Variants in PCDHGA2 observed in about 807,000 individuals in gnomAD.
PCDHGA2 encodes the protein protocadherin gamma subfamily A, 2, also known as protocadherin gamma-A2.
In PCDHGA2, 40 loss-of-function variants were observed where a neutral mutation model predicts 59.2. The ratio of observed to expected loss-of-function variants is 0.68; its 90% CI spans 0.52 to 0.88. The LOEUF is 0.88. PCDHGA2 is among the 40% of genes least tolerant of loss of function. The probability of loss-of-function intolerance (pLI) is 0.00; values close to 1 mark genes in which losing one functional copy is unlikely to be tolerated. For missense variants in PCDHGA2, 1,226 were observed against 1,204.0 expected (o/e 1.02, Z -0.27); for synonymous variants, 560 against 526.0 (o/e 1.06, Z -0.89).
At chr5:141,344,558 T>A (rs1757435372) in intron 1 of PCDHGA2, 1 of 1,614,022 alleles carries the variant, frequency 6.2e-7, no homozygotes, top group East Asian at 2.2e-5. Context: ...TTAGCCCCAA[T>A]GACTACTTCT....
intron 1 of PCDHGA2, chr5:141,352,782 G>C (rs2149771321): frequency 9.0e-7 from 1 of 1,105,830 alleles, no homozygotes; most frequent in African/African-American, 1.6e-5. Context: ...TTGAGGTCAG[G>C]AGTTTGAGAC....
At chr5:141,374,020 G>T in intron 1 of PCDHGA2, 1 of 1,408,826 alleles carries the variant, frequency 7.1e-7, no homozygotes, top group Non-Finnish European at 9.3e-7. Context: ...TCTGAGAAGA[G>T]CAAAAGTGAT....
At chr5:141,418,882 C>T (rs945382775) in intron 1 of PCDHGA2, 8 of 1,613,960 alleles carry the variant, frequency 5.0e-6, no homozygotes, top group Admixed American at 1.7e-5. Flanking sequence ...TAGACGAAAA[C>T]GACAACAGCC....
At chr5:141,414,883 G>A (rs572616023) in intron 1 of PCDHGA2, 1 of 1,614,176 alleles carries the variant, frequency 6.2e-7, no homozygotes, top group South Asian at 1.1e-5. Context: ...CCTGTACCCC[G>A]CCCTCCCCAC....
intron 1 of PCDHGA2, chr5:141,408,119 C>T (rs1271219465): frequency 6.8e-7 from 1 of 1,474,944 alleles, no homozygotes; most frequent in African/African-American, 1.4e-5. Flanking sequence ...CTCCTCCTGT[C>T]CTGGGCCGAA....
chr5:141,351,420 C>G (rs779349797), intron 1 of PCDHGA2: 3 of 1,611,526 alleles, frequency 1.9e-6, no homozygotes, highest in Non-Finnish European at 1.7e-6. Flanking sequence ...GAAGAAGTTC[C>G]TTTCAAATTA....
chr5:141,504,752 A>G (rs1194764381), intron 2 of PCDHGA2, among the ~76,000 whole-genome samples: 23 of 151,894 alleles, frequency 1.5e-4, no homozygotes, highest in Non-Finnish European at 3.2e-4. Flanking sequence ...TGAATTTTAG[A>G]AATTTCTTCT....
chr5:141,392,929 C>T (rs1474626800), intron 1 of PCDHGA2: 6 of 1,613,770 alleles, frequency 3.7e-6, no homozygotes, highest in Non-Finnish European at 5.1e-6. Flanking sequence ...CCAGAAGAGA[C>T]GGACAAAGGC....
intron 1 of PCDHGA2, among the ~76,000 whole-genome samples, chr5:141,382,287 C>G (rs1263948846): frequency 7.2e-5 from 11 of 152,114 alleles, no homozygotes; most frequent in Non-Finnish European, 1.5e-4. Context: ...TCAATTAATA[C>G]TGAATTAATT....
In PCDHGA2 at chr5:141,432,085, G is replaced by A. The variant is rs144065251; in HGVS notation, c.2425-62722G>A. 2.2e-4 allele frequency: 353 copies of A among 1,614,164 alleles called. 1 individual carries two copies. The African/African-American group carries it at 4.2e-3, about 19-fold the overall frequency. ...CGGAAACTCATATCTCGCTGAACGT[G>A]GCAGACACCAACGACAACCCGCCGG... On this transcript the variant is annotated intron_variant, in intron 1 of 3. Transcript: ENST00000394576. This position sits in a 1 kb window ranked among gnomAD's most constrained non-coding sequence, Gnocchi z 6.0.
At chr5:141,393,075 G>A in intron 1 of PCDHGA2, 1 of 1,613,702 alleles carries the variant, frequency 6.2e-7, no homozygotes, top group Non-Finnish European at 8.5e-7. Context: ...GATCACCGCG[G>A]GCAGGATAGA....
At chr5:141,426,919 C>T (rs1220443930) in intron 1 of PCDHGA2, 1 of 456,620 alleles carries the variant, frequency 2.2e-6, no homozygotes, top group African/African-American at 2.0e-5. Flanking sequence ...GTCCTGGAAG[C>T]AATGGACATG....
intron 1 of PCDHGA2, chr5:141,423,265 G>T: frequency 6.2e-7 from 1 of 1,613,666 alleles, no homozygotes; most frequent in Non-Finnish European, 8.5e-7. Flanking sequence ...CGGCAGCCTC[G>T]AGTCTCTGGC....
intron 1 of PCDHGA2, chr5:141,352,798 T>G: frequency 1.1e-6 from 1 of 928,716 alleles, no homozygotes; most frequent in Non-Finnish European, 1.6e-6. Flanking sequence ...GAGACCAGCA[T>G]AGCCAAGATG....
At chr5:141,423,265 G>C in intron 1 of PCDHGA2, 1 of 1,613,666 alleles carries the variant, frequency 6.2e-7, no homozygotes, top group Non-Finnish European at 8.5e-7. Flanking sequence ...CGGCAGCCTC[G>C]AGTCTCTGGC....
chr5:141,339,560 G>C lies in PCDHGA2; in HGVS notation c.589G>C (p.Glu197Gln), dbSNP rs1341781160. ...GAACAAGTACCCAGAACTGGTGCTG[G>C]AGCGCTCTCTGGACCGCGAGGAAGA... Reference protein sequence around the residue: ...DGNKYPELVLERSLDREEEAV... With the variant: ...DGNKYPELVLQRSLDREEEAV... Residue 197 changes from glutamate (E) to glutamine (Q), a missense_variant, in exon 1 of 4, where the codon GAG becomes CAG. By Grantham distance (29) the Glu-to-Gln change is conservative. Transcript: ENST00000394576. The C allele has an allele frequency of 8.1e-6, 13 of 1,614,032 alleles. No homozygotes were observed. Among genetic ancestry groups the C allele is most frequent in the African/African-American group, 1.3e-5 (1 of 74,902 alleles).
At chr5:141,367,000 T>G (rs990183992) in intron 1 of PCDHGA2, 4 of 452,734 alleles carry the variant, frequency 8.8e-6, no homozygotes, top group Non-Finnish European at 1.5e-5. Context: ...AATATAATCA[T>G]TTTACCCAAA....
chr5:141,351,638 A>C, intron 1 of PCDHGA2: 3 of 1,614,016 alleles, frequency 1.9e-6, no homozygotes, highest in Non-Finnish European at 2.5e-6. Context: ...CGTGTCTGAG[A>C]ACAACCCACC....
chr5:141,421,524 G>A (rs375937711), intron 1 of PCDHGA2: 25 of 1,613,940 alleles, frequency 1.5e-5, no homozygotes, highest in Admixed American at 5.0e-5. Context: ...TCTGTGAGAC[G>A]GTGTCCTCCT....
Sources: gnomAD v4.1 joint callset for allele counts (sites outside exome capture counted in the v4.1 genomes callset) on GRCh38, gnomAD v4.1.1 for gene constraint, Gnocchi (gnomAD v3.1) non-coding constraint, MANE v1.5 for transcripts, NCBI Gene and HGNC (gene_info 2026-07-23, HGNC 2026-07-21) for gene names.